Variants in ANKRD31 observed in about 807,000 individuals in gnomAD.
ANKRD31 encodes ankyrin repeat domain 31.
A neutral mutation model predicts 186.0 loss-of-function variants in ANKRD31; 147 were observed. That is an observed-to-expected ratio of 0.79 (90% CI 0.69 to 0.91). The LOEUF is 0.91. Ranked by LOEUF, ANKRD31 falls within the 40% of genes least tolerant of loss-of-function variation. ANKRD31 has a pLI of 0.00. For synonymous variants in ANKRD31, 673 were observed against 736.4 expected (o/e 0.91, Z 1.39); for missense variants, 1,986 against 2,148.8 (o/e 0.92, Z 1.50).
chr5:75,157,817 TGAAA>T (rs1191202241), intron 11 of ANKRD31, among the ~76,000 whole-genome samples: 1 of 152,138 alleles, frequency 6.6e-6, no homozygotes, highest in Non-Finnish European at 1.5e-5. Context: ...CATCTTAGAC[TGAAA>T]GAGAGAGAAT....
intron 22 of ANKRD31, among the ~76,000 whole-genome samples, chr5:75,094,779 T>C (rs772057223): frequency 8.5e-5 from 13 of 152,060 alleles, no homozygotes; most frequent in Non-Finnish European, 1.5e-4. Flanking sequence ...AACTATATAA[T>C]GCATATAGGA....
intron 17 of ANKRD31, among the ~76,000 whole-genome samples, chr5:75,127,853 C>T (rs546843584): frequency 6.6e-6 from 1 of 152,122 alleles, no homozygotes. Flanking sequence ...AGGTCTTGGA[C>T]ATATTTTGTA....
Position 75,146,161 on chromosome 5 carries a change from C to T in ANKRD31, c.3250G>A (p.Val1084Ile). Residue 1084 changes from valine (V) to isoleucine (I), a missense_variant, in exon 14 of 26, where the codon GTT becomes ATT. Physicochemically the swap from Val to Ile is conservative, Grantham distance 29 (BLOSUM62 3). Coordinates refer to ENST00000506364, the MANE Select transcript of ANKRD31 (RefSeq NM_001372053.1). ...IIYSNEPLSI[V>I]AHSQVIETTK... is the part of the protein sequence containing the mutation. ...GTTTCTATTACTTGAGAATGAGCAA[C>T]TATGGATAAAGGCTCATTTGAATAA... 4 of 1,535,866 alleles carry T rather than the reference C, an allele frequency of 2.6e-6. No homozygotes were observed. The highest frequency in any genetic ancestry group is 3.5e-6 in the Non-Finnish European group (4 of 1,146,292).
intron 24 of ANKRD31, among the ~76,000 whole-genome samples, chr5:75,081,617 C>T (rs911361212): frequency 1.3e-5 from 2 of 151,446 alleles, no homozygotes; most frequent in African/African-American, 4.9e-5. Context: ...GGTTAGAAAC[C>T]AGAAGAAGAA....
intron 11 of ANKRD31, among the ~76,000 whole-genome samples, chr5:75,160,104 CTTCT>C (rs1216413209): frequency 6.6e-6 from 1 of 151,978 alleles, no homozygotes; most frequent in East Asian, 1.9e-4. Context: ...CTTATCTCAG[CTTCT>C]TTAAGAGACC....
intron 5 of ANKRD31, among the ~76,000 whole-genome samples, chr5:75,205,104 A>T (rs1033515075): frequency 1.3e-5 from 2 of 152,138 alleles, no homozygotes; most frequent in Non-Finnish European, 2.9e-5. Flanking sequence ...AGGCTCAAGC[A>T]ATCACCCTGG....
chr5:75,194,032 C>T (rs1299367359), intron 7 of ANKRD31, among the ~76,000 whole-genome samples: 1 of 152,138 alleles, frequency 6.6e-6, no homozygotes, highest in African/African-American at 2.4e-5. Flanking sequence ...TACATAACCT[C>T]CATTACATTG....
chr5:75,188,881 T>C lies in ANKRD31; in HGVS notation c.1409-233A>G, dbSNP rs560149179. ...GACAAATGCCACTAGTCTTAAAATATTTGAAGTAAACTATAAATCATGATA... is the reference window on the plus strand; with the variant it reads ...GACAAATGCCACTAGTCTTAAAATACTTGAAGTAAACTATAAATCATGATA... On this transcript the variant is annotated intron_variant, in intron 9 of 25. Coordinates refer to ENST00000506364, the MANE Select transcript of ANKRD31 (RefSeq NM_001372053.1). Among the ~76,000 whole-genome samples the C allele has an allele frequency of 1.4e-4, 21 of 152,272 alleles. No homozygotes were observed. The East Asian group carries it at 4.0e-3, about 29-fold the overall frequency.
intron 22 of ANKRD31, among the ~76,000 whole-genome samples, chr5:75,100,787 T>C (rs910958108): frequency 3.3e-5 from 5 of 152,164 alleles, no homozygotes; most frequent in Non-Finnish European, 7.4e-5. Context: ...TAGATCTTCC[T>C]CCATCCCTTT....
chr5:75,104,317 C>G lies in ANKRD31; in HGVS notation c.5242G>C (p.Ala1748Pro), dbSNP rs746746627. 2.6e-6 allele frequency: 4 copies of G among 1,537,016 alleles called. No homozygotes were observed. The East Asian group carries it at 9.8e-5, about 38-fold the overall frequency. Residue 1748 changes from alanine (A) to proline (P), a missense_variant, in exon 22 of 26, where the codon GCT becomes CCT. Transcript: ENST00000506364. The stretch of plus-strand genomic sequence containing the variant: ...ATCTGAATACATTTCTTTTTAGGAG[C>G]TGTACTGTAGTTTAAAGCCTTTTTT... ...TIKKALNYSTAPKKKCIQIKD... is the reference protein window; with the variant it reads ...TIKKALNYSTPPKKKCIQIKD...
At chr5:75,107,909 T>C (rs1747463959) in intron 20 of ANKRD31, among the ~76,000 whole-genome samples, 3 of 152,076 alleles carry the variant, frequency 2.0e-5, no homozygotes, top group Admixed American at 2.0e-4. Flanking sequence ...GTTAGCTTTC[T>C]TACCTGTGAA....
intron 23 of ANKRD31, among the ~76,000 whole-genome samples, chr5:75,088,066 A>G (rs1460915825): frequency 6.6e-6 from 1 of 152,232 alleles, no homozygotes; most frequent in Non-Finnish European, 1.5e-5. Flanking sequence ...GTAGCTGAGT[A>G]GAAGCTAGGT....
intron 25 of ANKRD31, among the ~76,000 whole-genome samples, chr5:75,073,044 G>C (rs1484113357): frequency 6.6e-6 from 1 of 152,188 alleles, no homozygotes; most frequent in African/African-American, 2.4e-5. Context: ...GCAGCCACAT[G>C]TTAACTTGGG....
At chr5:75,221,721 C>G (rs1456071624) in intron 3 of ANKRD31, among the ~76,000 whole-genome samples, 1 of 152,158 alleles carries the variant, frequency 6.6e-6, no homozygotes, top group East Asian at 1.9e-4. Flanking sequence ...TCCTCTTTCT[C>G]TCTTTTTCTT....
chr5:75,173,325 A>G (rs527555239), intron 10 of ANKRD31, among the ~76,000 whole-genome samples: 1 of 152,310 alleles, frequency 6.6e-6, no homozygotes, highest in South Asian at 2.1e-4. Flanking sequence ...AAACCAGCAC[A>G]TGATAAGGAT....
In ANKRD31 at chr5:75,105,009, T is replaced by C. The variant is rs1469608095; in HGVS notation, c.4550A>G (p.Glu1517Gly). Reference protein sequence around the residue: ...SEISSEKDSQELTSLENLEHP... With the variant: ...SEISSEKDSQGLTSLENLEHP... ...CTCTAAATTTTCCAGACTAGTGAGCTCTTGGCTGTCTTTTTCACTAGAGAT... is the reference window on the plus strand; with the variant it reads ...CTCTAAATTTTCCAGACTAGTGAGCCCTTGGCTGTCTTTTTCACTAGAGAT... The change falls in exon 22 of 26, where the codon GAG becomes GGG. Residue 1517 changes from glutamate to glycine, a missense_variant. Physicochemically the swap from Glu to Gly is moderately conservative, Grantham distance 98 (BLOSUM62 -2). Transcript: ENST00000506364. The C allele has an allele frequency of 5.9e-6, 9 of 1,536,898 alleles. No individual in the cohort carries two copies. The Admixed American group carries it at 1.8e-4, about 30-fold the overall frequency.
In ANKRD31 at chr5:75,105,013, G is replaced by C. The variant is rs1172839035; in HGVS notation, c.4546C>G (p.Gln1516Glu). Residue 1516 changes from glutamine to glutamate, a missense_variant, in exon 22 of 26, where the codon CAA (glutamine) becomes GAA (glutamate). By Grantham distance (29) the Gln-to-Glu change is conservative (BLOSUM62 2). Transcript: ENST00000506364. ...RSEISSEKDSQELTSLENLEH... is the reference protein window; with the variant it reads ...RSEISSEKDSEELTSLENLEH... ...AAATTTTCCAGACTAGTGAGCTCTT[G>C]GCTGTCTTTTTCACTAGAGATTTCT... 7.2e-6 allele frequency: 11 copies of C among 1,536,778 alleles called. No individual in the cohort carries two copies. The highest frequency in any genetic ancestry group is 9.6e-6 in the Non-Finnish European group (11 of 1,146,790).
Position 75,104,473 on chromosome 5 carries a change from C to T in ANKRD31, c.5086G>A (p.Gly1696Arg), listed in dbSNP as rs1747166310. The change falls in exon 22 of 26, where the codon GGG (glycine) becomes AGG (arginine). Residue 1696 changes from glycine (G) to arginine (R), a missense_variant. By Grantham distance (125) the Gly-to-Arg change is moderately radical (BLOSUM62 -2). Transcript: ENST00000506364. The part of the protein sequence containing the change: ...TGASESLAHQ[G>R]IAVLGSDTVH... ...GTATCACTGCCTAAGACAGCAATCCCTTGATGTGCCAGAGATTCTGATGCC... is the reference window on the plus strand; with the variant it reads ...GTATCACTGCCTAAGACAGCAATCCTTTGATGTGCCAGAGATTCTGATGCC... The T allele has an allele frequency of 5.9e-6, 9 of 1,537,192 alleles. No individual in the cohort carries two copies. The highest frequency in any genetic ancestry group is 1.7e-4 in the Middle Eastern group (1 of 5,990).
At chr5:75,209,741 A>T (rs1361425253) in intron 4 of ANKRD31, among the ~76,000 whole-genome samples, 1 of 152,220 alleles carries the variant, frequency 6.6e-6, no homozygotes, top group East Asian at 1.9e-4. Context: ...TTTCTATTTC[A>T]TCACACAGAA....
Sources: gnomAD v4.1 joint callset for allele counts (sites outside exome capture counted in the v4.1 genomes callset) on GRCh38, gnomAD v4.1.1 for gene constraint, MANE v1.5 for transcripts, NCBI Gene and HGNC (gene_info 2026-07-23, HGNC 2026-07-21) for gene names.